ZIM2: variants seen among roughly 807,000 people sequenced by gnomAD.
The protein encoded by ZIM2 is zinc finger protein 656.
ZIM2 carries 14 observed loss-of-function variants against 38.6 expected under a neutral mutation model. That is an observed-to-expected ratio of 0.36 (90% CI 0.24 to 0.57). The LOEUF is 0.57. Ranked by LOEUF, ZIM2 falls within the 20% of genes least tolerant of loss-of-function variation. ZIM2 has a pLI of 0.81. For synonymous variants in ZIM2, 247 were observed against 245.8 expected, an observed-to-expected ratio of 1.00 and a Z score of -0.04; for missense variants, 680 against 695.1, an observed-to-expected ratio of 0.98 and a Z score of 0.24.
intron 9 of ZIM2, among the ~76,000 whole-genome samples, chr19:56,807,971 A>C (rs193027331): frequency 1.6e-4 from 25 of 152,286 alleles, no homozygotes; most frequent in South Asian, 1.5e-3. Context: ...CAATCAAAGA[A>C]GACTTGTTAA....
chr19:56,813,800 G>A lies in ZIM2; in HGVS notation c.490+3946C>T, dbSNP rs576263292. ...GCACCACCTGTGCTGGTGCTGGCAC[G>A]TTCGATGTAGCCTGAGCACTCCCCA... On this transcript the variant is annotated intron_variant, in intron 9 of 12. Coordinates refer to ENST00000629319, the MANE Select transcript of ZIM2 (RefSeq NM_001387356.1). The A allele has an allele frequency of 7.6e-5, 123 of 1,613,984 alleles. No homozygotes were observed. Among genetic ancestry groups the A allele is most frequent in the Middle Eastern group, 1.6e-4 (1 of 6,084 alleles).
intron 2 of ZIM2, among the ~76,000 whole-genome samples, chr19:56,827,305 C>T (rs1466971205): frequency 6.6e-6 from 1 of 152,114 alleles, no homozygotes; most frequent in Non-Finnish European, 1.5e-5. Context: ...ATTAAACATA[C>T]ACAATCTTCC....
chr19:56,784,480 G>C (rs1236495747), intron 10 of ZIM2, among the ~76,000 whole-genome samples: 1 of 152,192 alleles, frequency 6.6e-6, no homozygotes, highest in Non-Finnish European at 1.5e-5. Context: ...GGTAGGTCAT[G>C]ATTTCTCAGT....
chr19:56,829,092 T>G (rs2146475638), intron 2 of ZIM2, among the ~76,000 whole-genome samples: 1 of 152,304 alleles, frequency 6.6e-6, no homozygotes, highest in African/African-American at 2.4e-5. Context: ...GGCTCACGCC[T>G]GTAATCCCAG....
intron 9 of ZIM2, chr19:56,811,069 G>A (rs1011405159): frequency 2.1e-5 from 20 of 959,366 alleles, no homozygotes; most frequent in Non-Finnish European, 2.5e-5. Context: ...GATAAGAGGA[G>A]AGTATATGTC....
chr19:56,829,506 C>T (rs775672460), intron 2 of ZIM2, among the ~76,000 whole-genome samples: 29 of 152,190 alleles, frequency 1.9e-4, no homozygotes, highest in Middle Eastern at 3.2e-3. Flanking sequence ...GACAGGGAAA[C>T]GTGTTCTGTT....
At chr19:56,806,530 G>A (rs185241652) in intron 9 of ZIM2, among the ~76,000 whole-genome samples, 5 of 152,250 alleles carry the variant, frequency 3.3e-5, no homozygotes, top group Admixed American at 2.0e-4. Flanking sequence ...TAGCTGCAAG[G>A]GAAGCTGAGA....
rs991381227 is a variant in ZIM2, at chr19:56,815,979, T to G, written c.490+1767A>C. ...ATTCCCTTCCTTCAGAGGTGTTCCC[T>G]CCAGCACGAACTCTCTGATGGTTGA... On this transcript the variant is annotated intron_variant, in intron 9 of 12. Transcript: ENST00000629319. The G allele has an allele frequency of 1.9e-6, 3 of 1,584,784 alleles. No individual in the cohort carries two copies. In the African/African-American group the frequency reaches 4.1e-5, roughly 21 times the overall value.
At chr19:56,817,101 A>C in intron 9 of ZIM2, 1 of 1,614,112 alleles carries the variant, frequency 6.2e-7, no homozygotes, top group South Asian at 1.1e-5. Context: ...GCATTGCCCC[A>C]AAATCAATTG....
At chr19:56,780,775 T>A (rs1449394007) in intron 11 of ZIM2, among the ~76,000 whole-genome samples, 1 of 152,220 alleles carries the variant, frequency 6.6e-6, no homozygotes, top group African/African-American at 2.4e-5. Context: ...CAAACTGATA[T>A]TCTCTACGTG....
intron 11 of ZIM2, among the ~76,000 whole-genome samples, chr19:56,779,826 T>C (rs1369165088): frequency 1.4e-5 from 2 of 141,254 alleles, no homozygotes; most frequent in Non-Finnish European, 3.2e-5. Context: ...ATGAGGGCAG[T>C]GTGCTGAGCT....
Position 56,816,038 on chromosome 19 carries a change from T to C in ZIM2, c.490+1708A>G, listed in dbSNP as rs553953895. 4 of 1,596,422 alleles carry C rather than the reference T, an allele frequency of 2.5e-6. No individual in the cohort carries two copies. The East Asian group carries it at 8.9e-5, about 36-fold the overall frequency. On this transcript the variant is annotated intron_variant, in intron 9 of 12. Transcript: ENST00000629319. Reference sequence around the variant, plus strand: ...AAGCTCTGAATGGTAGACTCTGCCATTACTTTTGGTTTACTGGGCCCTGCT... The same window carrying C: ...AAGCTCTGAATGGTAGACTCTGCCACTACTTTTGGTTTACTGGGCCCTGCT...
At chr19:56,779,228 A>C in intron 12 of ZIM2, 149 bp downstream of exon 12, 1 of 659,130 alleles carries the variant, frequency 1.5e-6, no homozygotes, top group Non-Finnish European at 2.6e-6. Flanking sequence ...GCATGAAGAG[A>C]TGGGCTTCAG....
intron 7 of ZIM2, among the ~76,000 whole-genome samples, chr19:56,820,923 C>G (rs774657272): frequency 6.6e-6 from 1 of 152,108 alleles, no homozygotes; most frequent in Non-Finnish European, 1.5e-5. Flanking sequence ...TTCTTTGAGT[C>G]CAGTCAGTGC....
At chr19:56,811,384 C>T (rs1009316236) in intron 9 of ZIM2, 31 of 868,678 alleles carry the variant, frequency 3.6e-5, no homozygotes, top group Admixed American at 6.2e-5. Flanking sequence ...TATAAATATA[C>T]TTTCGTGTCC....
intron 7 of ZIM2, among the ~76,000 whole-genome samples, chr19:56,819,946 C>A (rs1214165688): frequency 1.3e-5 from 2 of 152,092 alleles, no homozygotes; most frequent in African/African-American, 4.8e-5. Flanking sequence ...CTGCCTGTGT[C>A]CTGCCACAAA....
chr19:56,784,412 T>A (rs755150486), intron 10 of ZIM2, among the ~76,000 whole-genome samples: 2 of 152,214 alleles, frequency 1.3e-5, no homozygotes, highest in East Asian at 3.8e-4. Context: ...TGATTCAGTA[T>A]AAGAAAATTG....
intron 10 of ZIM2, among the ~76,000 whole-genome samples, chr19:56,787,636 A>ATCTTTCC (rs1434085543): frequency 6.6e-6 from 1 of 150,586 alleles, no homozygotes; most frequent in East Asian, 1.9e-4. Context: ...TGTTTGGAAT[A>ATCTTTCC]GTTTCAGAAG....
intron 10 of ZIM2, among the ~76,000 whole-genome samples, chr19:56,785,059 C>CAA (rs370949536): frequency 2.7e-5 from 4 of 146,476 alleles, no homozygotes; most frequent in African/African-American, 9.9e-5. Context: ...CTGCCAATAC[C>CAA]AAAAAAAAAA....
Sources: allele counts gnomAD v4.1 joint callset (sites outside exome capture counted in the v4.1 genomes callset), GRCh38; gene constraint gnomAD v4.1.1; transcripts MANE v1.5; gene names NCBI Gene and HGNC (gene_info 2026-07-23, HGNC 2026-07-21).